SRGAP2: variants seen among roughly 807,000 people sequenced by gnomAD.
SRGAP2 encodes SLIT-ROBO Rho GTPase activating protein 2, also known as SLIT-ROBO Rho GTPase-activating protein 2.
SRGAP2 carries 15 observed loss-of-function variants against 57.2 expected under a neutral mutation model. That is an observed-to-expected ratio of 0.26 (90% CI 0.18 to 0.40). SRGAP2 has a LOEUF of 0.40. SRGAP2 is among the 10% of genes least tolerant of loss of function. The pLI is 1.00. For missense variants in SRGAP2, 520 were observed against 669.6 expected (o/e 0.78, Z 2.47); for synonymous variants, 249 against 248.0 (o/e 1.00, Z -0.04).
intron 21 of SRGAP2, chr1:206,458,257 T>A: frequency 2.2e-6 from 1 of 455,774 alleles, no homozygotes; most frequent in African/African-American, 2.0e-5. Context: ...TGGTGAGACT[T>A]CTTCTCCTAG....
At chr1:206,432,544 G>C (rs1553368660) in intron 14 of SRGAP2, among the ~76,000 whole-genome samples, 1 of 152,190 alleles carries the variant, frequency 6.6e-6, no homozygotes, top group African/African-American at 2.4e-5. Context: ...ACATAGAGGA[G>C]TGGTTGAAGA....
At chr1:206,357,304 G>T in intron 4 of SRGAP2, among the ~76,000 whole-genome samples, 1 of 148,562 alleles carries the variant, frequency 6.7e-6, no homozygotes, top group East Asian at 2.0e-4. Context: ...GATATTGTGG[G>T]TAAAAACATA....
intron 2 of SRGAP2, among the ~76,000 whole-genome samples, chr1:206,289,418 G>T (rs1299098143): frequency 1.3e-5 from 2 of 150,082 alleles, no homozygotes; most frequent in African/African-American, 2.4e-5. Flanking sequence ...GACTACAGGC[G>T]CCCGCCACCA....
In SRGAP2 at chr1:206,354,567, A is replaced by G. The variant is rs1676288698; in HGVS notation, c.423+11559A>G. 1.3e-5 allele frequency among the ~76,000 whole-genome samples: 2 copies of G among 152,184 alleles called. 1 individual carries two copies. Among genetic ancestry groups the G allele is most frequent in the African/African-American group, 4.8e-5 (2 of 41,432 alleles). ...TCCTAGGACATGAGACTTTTAGTTTATCTGTTCAATTGTTGATGGCATTTG... is the reference window on the plus strand; with the variant it reads ...TCCTAGGACATGAGACTTTTAGTTTGTCTGTTCAATTGTTGATGGCATTTG... On this transcript the variant is annotated intron_variant, in intron 4 of 22. Transcript: ENST00000573034.
chr1:206,239,561 A>C (rs2102543478), intron 2 of SRGAP2, among the ~76,000 whole-genome samples: 1 of 151,844 alleles, frequency 6.6e-6, no homozygotes, highest in Admixed American at 6.6e-5. Flanking sequence ...GGGTTCAAGC[A>C]GTTCTTGTGC....
chr1:206,347,542 A>C (rs1260545937), intron 4 of SRGAP2, among the ~76,000 whole-genome samples: 5 of 150,688 alleles, frequency 3.3e-5, no homozygotes, highest in Admixed American at 6.6e-5. Context: ...ATGCTGTTGC[A>C]CTTCAGTCTA....
At chr1:206,230,600 A>C (rs1377405414) in intron 2 of SRGAP2, among the ~76,000 whole-genome samples, 17 of 151,352 alleles carry the variant, frequency 1.1e-4, no homozygotes, top group East Asian at 1.9e-4. Flanking sequence ...TTAACAAGAC[A>C]GAGGAAGTCC....
intron 3 of SRGAP2, among the ~76,000 whole-genome samples, chr1:206,327,054 C>T (rs1392511393): frequency 7.2e-5 from 11 of 151,948 alleles, no homozygotes; most frequent in South Asian, 2.1e-4. Flanking sequence ...GGGCCGGGTG[C>T]GGTGGTTCAC....
intron 21 of SRGAP2, chr1:206,455,302 T>A (rs1663736984): frequency 1.1e-5 from 5 of 468,296 alleles, no homozygotes; most frequent in Non-Finnish European, 1.5e-5. Context: ...CAGACCTTTG[T>A]GGCAGTCTTA....
At chr1:206,341,819 GA>G (rs1410829349) in intron 3 of SRGAP2, among the ~76,000 whole-genome samples, 2 of 152,052 alleles carry the variant, frequency 1.3e-5, no homozygotes, top group Admixed American at 6.5e-5. Context: ...TCAACATGGT[GA>G]AAACCCATCT....
intron 2 of SRGAP2, among the ~76,000 whole-genome samples, chr1:206,266,950 T>A: frequency 7.1e-6 from 1 of 140,438 alleles, no homozygotes; most frequent in Non-Finnish European, 1.5e-5. Context: ...GCTAGAAATC[T>A]TTCCAGCAAA....
At chr1:206,431,837 T>G (rs1192036675) in intron 14 of SRGAP2, among the ~76,000 whole-genome samples, 2 of 151,892 alleles carry the variant, frequency 1.3e-5, no homozygotes, top group Non-Finnish European at 2.9e-5. Flanking sequence ...TAGGGCAGAG[T>G]TGTGAGGGAG....
intron 3 of SRGAP2, among the ~76,000 whole-genome samples, chr1:206,327,501 G>T (rs1553330427): frequency 7.4e-6 from 1 of 134,278 alleles, no homozygotes; most frequent in African/African-American, 3.0e-5. Context: ...AATGATAGTT[G>T]TCATAATTAT....
At chr1:206,354,788 C>A (rs568111447) in intron 4 of SRGAP2, among the ~76,000 whole-genome samples, 33 of 147,890 alleles carry the variant, frequency 2.2e-4, no homozygotes, top group East Asian at 1.6e-3. Context: ...TCCCTCCCCC[C>A]CTTCCTTCTC....
chr1:206,378,030 A>G (rs1395017430), intron 4 of SRGAP2, among the ~76,000 whole-genome samples: 1 of 102,076 alleles, frequency 9.8e-6, no homozygotes, highest in African/African-American at 4.0e-5. Flanking sequence ...GAGTTGTAAA[A>G]TAAATGTAGT....
chr1:206,431,453 G>C (rs1251068813), intron 14 of SRGAP2, among the ~76,000 whole-genome samples: 1 of 152,216 alleles, frequency 6.6e-6, no homozygotes, highest in African/African-American at 2.4e-5. Context: ...AATTTCACAA[G>C]ATAGTAATGA....
chr1:206,216,550 A>G (rs538412003), intron 2 of SRGAP2, among the ~76,000 whole-genome samples: 1 of 151,344 alleles, frequency 6.6e-6, no homozygotes, highest in African/African-American at 2.4e-5. Flanking sequence ...GGTTAGAAGC[A>G]GCTGTGAGAT....
intron 4 of SRGAP2, among the ~76,000 whole-genome samples, chr1:206,372,985 CTTTCTTT>C (rs1654796650): frequency 1.2e-5 from 1 of 81,374 alleles, no homozygotes; most frequent in African/African-American, 5.4e-5. Context: ...TTCTTTCTTT[CTTTCTTT>C]CTTTCTTTCT....
At chr1:206,437,445 TG>T (rs1661871378) in intron 15 of SRGAP2, among the ~76,000 whole-genome samples, 1 of 152,274 alleles carries the variant, frequency 6.6e-6, no homozygotes, top group African/African-American at 2.4e-5. Context: ...TTTCCGTCAC[TG>T]TAATGGATAT....
Sources: allele counts gnomAD v4.1 joint callset (sites outside exome capture counted in the v4.1 genomes callset), GRCh38; gene constraint gnomAD v4.1.1; transcripts MANE v1.5; gene names NCBI Gene and HGNC (gene_info 2026-07-23, HGNC 2026-07-21).